PHKB: variants seen among roughly 807,000 people sequenced by gnomAD.
PHKB encodes phosphorylase b kinase regulatory subunit beta.
A neutral mutation model predicts 152.1 loss-of-function variants in PHKB; 122 were observed. The ratio of observed to expected loss-of-function variants is 0.80; its 90% CI spans 0.69 to 0.93. The LOEUF (loss-of-function observed/expected upper bound fraction) is 0.93. Ranked by LOEUF, PHKB falls within the 40% of genes least tolerant of loss-of-function variation. PHKB has a pLI of 0.00. For synonymous variants in PHKB, 436 were observed against 464.9 expected (o/e 0.94, Z 0.80); for missense variants, 1,304 against 1,328.4 (o/e 0.98, Z 0.29).
intron 1 of PHKB, among the ~76,000 whole-genome samples, chr16:47,465,049 TAAAG>T (rs948887980): frequency 6.6e-6 from 1 of 152,140 alleles, no homozygotes; most frequent in South Asian, 2.1e-4. Context: ...AGGAAAATCT[TAAAG>T]AAAATAAATA....
At chr16:47,565,707 T>C in intron 7 of PHKB, 1 of 1,463,372 alleles carries the variant, frequency 6.8e-7, no homozygotes, top group Non-Finnish European at 9.5e-7. Context: ...TGGGTGTCTC[T>C]CCCGAGGCCA....
intron 4 of PHKB, among the ~76,000 whole-genome samples, chr16:47,510,610 G>T (rs1401456184): frequency 6.6e-6 from 1 of 152,132 alleles, no homozygotes; most frequent in Non-Finnish European, 1.5e-5. Context: ...TATAAAACAG[G>T]AAAAATAATT....
In PHKB at chr16:47,696,435, G is replaced by A; in HGVS notation, c.2950G>A (p.Glu984Lys). 1 of 1,612,264 alleles carries A rather than the reference G, an allele frequency of 6.2e-7. No homozygotes were observed. Among genetic ancestry groups the A allele is most frequent in the Non-Finnish European group, 8.5e-7 (1 of 1,178,366 alleles). Reference protein sequence around the residue: ...MYEMNFSLLVEDTLGNIDQPQ... With the variant: ...MYEMNFSLLVKDTLGNIDQPQ... ...TGAGATGAATTTCTCTCTCCTTGTTGAAGACACGTTGGGAAATATTGACCA... is the reference window on the plus strand; with the variant it reads ...TGAGATGAATTTCTCTCTCCTTGTTAAAGACACGTTGGGAAATATTGACCA... The change falls in exon 29 of 31, where the codon GAA (glutamate) becomes AAA (lysine). Residue 984 changes from glutamate to lysine, a missense_variant. Physicochemically the swap from Glu to Lys is moderately conservative, Grantham distance 56 (BLOSUM62 1). Coordinates refer to ENST00000323584, the MANE Select transcript of PHKB (RefSeq NM_000293.3).
At chr16:47,671,791 A>G (rs989032757) in intron 26 of PHKB, among the ~76,000 whole-genome samples, 1 of 152,158 alleles carries the variant, frequency 6.6e-6, no homozygotes, top group African/African-American at 2.4e-5. Flanking sequence ...AACAACCTAG[A>G]TGTTCATTAG....
chr16:47,641,821 C>G, intron 16 of PHKB, 129 bp downstream of exon 16: 1 of 682,994 alleles, frequency 1.5e-6, no homozygotes, highest in Non-Finnish European at 2.7e-6. Flanking sequence ...CCAAAAGCTT[C>G]TAATTAAATT....
chr16:47,566,015 A>G, intron 7 of PHKB: 2 of 713,456 alleles, frequency 2.8e-6, no homozygotes, highest in Non-Finnish European at 2.4e-6. Flanking sequence ...ATCAGTCTTC[A>G]TCACAGTCCT....
chr16:47,655,743 C>T (rs1248224325), intron 20 of PHKB, among the ~76,000 whole-genome samples: 4 of 152,190 alleles, frequency 2.6e-5, no homozygotes, highest in Non-Finnish European at 1.5e-5. Flanking sequence ...TTCATCTAAT[C>T]TTCTCATTTT....
chr16:47,488,547 A>G (rs754035235), intron 1 of PHKB, among the ~76,000 whole-genome samples: 2 of 152,140 alleles, frequency 1.3e-5, no homozygotes, highest in East Asian at 1.9e-4. Flanking sequence ...GATATTTCCT[A>G]GCTTTTCTTC....
At chr16:47,494,986 A>G (rs1970207916) in intron 1 of PHKB, among the ~76,000 whole-genome samples, 2 of 152,244 alleles carry the variant, frequency 1.3e-5, no homozygotes, top group South Asian at 2.1e-4. Context: ...AATGATGATC[A>G]CTAAAATAAT....
intron 7 of PHKB, among the ~76,000 whole-genome samples, chr16:47,555,586 G>C (rs1174398255): frequency 1.3e-5 from 2 of 152,146 alleles, no homozygotes; most frequent in East Asian, 3.9e-4. Flanking sequence ...ATTGATATTA[G>C]TCATCTGCTA....
intron 1 of PHKB, among the ~76,000 whole-genome samples, chr16:47,479,522 G>C (rs1418254173): frequency 6.7e-6 from 1 of 149,518 alleles, no homozygotes; most frequent in East Asian, 2.0e-4. Flanking sequence ...ATTAAATTCA[G>C]ATCCAGTTAA....
intron 14 of PHKB, among the ~76,000 whole-genome samples, chr16:47,615,897 A>G (rs1176334473): frequency 6.6e-6 from 1 of 152,190 alleles, no homozygotes; most frequent in Non-Finnish European, 1.5e-5. Flanking sequence ...TTTTAATAGC[A>G]GCTTTATTGA....
intron 16 of PHKB, among the ~76,000 whole-genome samples, 179 bp downstream of exon 16, chr16:47,641,871 A>C (rs1326589413): frequency 6.6e-6 from 1 of 152,098 alleles, no homozygotes; most frequent in South Asian, 2.1e-4. Flanking sequence ...TAAAAAAAAA[A>C]CTTTGCACTG....
At chr16:47,574,786 A>G (rs1208718066) in intron 7 of PHKB, among the ~76,000 whole-genome samples, 1 of 152,188 alleles carries the variant, frequency 6.6e-6, no homozygotes, top group African/African-American at 2.4e-5. Flanking sequence ...CCACCTTGCC[A>G]CACCTCCAAC....
At chr16:47,498,487 C>A (rs1218272089) in intron 2 of PHKB, among the ~76,000 whole-genome samples, 4 of 152,006 alleles carry the variant, frequency 2.6e-5, no homozygotes, top group African/African-American at 9.7e-5. Flanking sequence ...ACCAGCCTGA[C>A]CAACATGGAG....
chr16:47,610,916 A>T lies in PHKB; in HGVS notation c.1454A>T (p.Asn485Ile). The change falls in exon 14 of 31, where the codon AAT becomes ATT. Residue 485 changes from asparagine (N) to isoleucine (I), a missense_variant. Physicochemically the swap from Asn to Ile is moderately radical, Grantham distance 149. Transcript: ENST00000323584. ...CGTAACGTGAGCATGAGGTTTTCCA[A>T]TCAGGTAAAGAATTATTCTATTTCT... ...DQRNVSMRFS[N>I]QGPLENDLVV... is the part of the protein sequence containing the mutation. The T allele has an allele frequency of 6.5e-7, 1 of 1,549,132 alleles. No homozygotes were observed. The highest frequency in any genetic ancestry group is 1.1e-5 in the South Asian group (1 of 89,854).
chr16:47,511,844 C>T, intron 5 of PHKB, 72 bp downstream of exon 5: 1 of 1,005,624 alleles, frequency 9.9e-7, no homozygotes, highest in Non-Finnish European at 1.6e-6. Flanking sequence ...ACCTTTTTGG[C>T]ACCAGGGACT....
chr16:47,597,653 G>A (rs1234929987), intron 13 of PHKB, among the ~76,000 whole-genome samples: 1 of 148,218 alleles, frequency 6.7e-6, no homozygotes, highest in Non-Finnish European at 1.5e-5. Flanking sequence ...AAAGACACAT[G>A]AAATAGTTTT....
chr16:47,697,288 G>A (rs1194245273), intron 29 of PHKB, among the ~76,000 whole-genome samples: 1 of 152,216 alleles, frequency 6.6e-6, no homozygotes, highest in Non-Finnish European at 1.5e-5. Flanking sequence ...TGGAGCTGCA[G>A]TCAGAGCTGA....
Sources: gnomAD v4.1 joint callset for allele counts (sites outside exome capture counted in the v4.1 genomes callset) on GRCh38, gnomAD v4.1.1 for gene constraint, MANE v1.5 for transcripts, NCBI Gene and HGNC (gene_info 2026-07-23, HGNC 2026-07-21) for gene names.